ANO3: variants seen among roughly 807,000 people sequenced by gnomAD.
The protein encoded by ANO3 is anoctamin-3.
In ANO3, 99 loss-of-function variants were observed where a neutral mutation model predicts 144.8. The observed-to-expected ratio is 0.68, with a 90% CI of 0.58 to 0.81. The LOEUF (loss-of-function observed/expected upper bound fraction) is 0.81, where lower values mean the gene tolerates loss of function less well. ANO3 is among the 30% of genes least tolerant of loss of function. ANO3 has a pLI of 0.00. For missense variants in ANO3, 905 were observed against 1,202.2 expected (o/e 0.75, Z 3.66); for synonymous variants, 414 against 392.6 (o/e 1.05, Z -0.64).
At chr11:26,527,518 T>G in intron 7 of ANO3, among the ~76,000 whole-genome samples, 1 of 152,078 alleles carries the variant, frequency 6.6e-6, no homozygotes. Context: ...CTGAAAAAAA[T>G]TACAAAATTT....
intron 17 of ANO3, among the ~76,000 whole-genome samples, chr11:26,604,241 TG>T (rs1292227862): frequency 2.0e-5 from 3 of 152,212 alleles, no homozygotes; most frequent in Non-Finnish European, 4.4e-5. Context: ...GTGTTATTTC[TG>T]AGGTCTCTGT....
chr11:26,300,653 A>C (rs535419462), intron 1 of ANO3, among the ~76,000 whole-genome samples: 1 of 152,218 alleles, frequency 6.6e-6, no homozygotes, highest in African/African-American at 2.4e-5. Context: ...TCCCTTATAG[A>C]TATGTGTCTG....
chr11:26,594,983 A>T (rs936069624), intron 14 of ANO3, among the ~76,000 whole-genome samples: 1 of 152,094 alleles, frequency 6.6e-6, no homozygotes, highest in South Asian at 2.1e-4. Context: ...ATGAGGGTCA[A>T]ATTGGTCCCA....
chr11:26,535,495 AC>A (rs1254197000), intron 9 of ANO3, among the ~76,000 whole-genome samples: 1 of 151,752 alleles, frequency 6.6e-6, no homozygotes, highest in African/African-American at 2.4e-5. Flanking sequence ...GCCAGCAAAA[AC>A]TGGTACCAAT....
At chr11:26,231,544 C>T (rs1424991041) in intron 1 of ANO3, among the ~76,000 whole-genome samples, 2 of 152,280 alleles carry the variant, frequency 1.3e-5, no homozygotes, top group South Asian at 2.1e-4. Context: ...TATTAATGCT[C>T]AAACTTAGAT....
At chr11:26,559,690 A>C in intron 13 of ANO3, 29 bp from the exon 14 acceptor site, 1 of 1,534,872 alleles carries the variant, frequency 6.5e-7, no homozygotes, top group Non-Finnish European at 9.0e-7. Flanking sequence ...AATTTGCATG[A>C]CTAATATTTC....
Position 26,508,134 on chromosome 11 carries a change from C to T in ANO3, c.463C>T (p.Pro155Ser). ...NDMNYIASSG[P>S]LFKDGKKRID... ...CATGAATTACATAGCATCCAGTGGA[C>T]CTCTGTTCAAAGATGGCAAAAAGAG... Residue 155 changes from proline (P) to serine (S), a missense_variant, in exon 5 of 27, where the codon CCT becomes TCT. This residue lies in a region of ANO3 where 63 missense variants were observed against 107.3 expected (regional missense o/e 0.59). Transcript: ENST00000256737. 1.3e-6 allele frequency: 2 copies of T among 1,592,882 alleles called. No individual in the cohort carries two copies. Among genetic ancestry groups the T allele is most frequent in the Non-Finnish European group, 1.7e-6 (2 of 1,173,226 alleles).
chr11:26,633,208 C>G (rs539592053), intron 18 of ANO3, among the ~76,000 whole-genome samples: 1 of 152,190 alleles, frequency 6.6e-6, no homozygotes, highest in Non-Finnish European at 1.5e-5. Context: ...TTTTCTATCA[C>G]TCATTTGAGT....
At chr11:26,424,876 T>C (rs1857872952) in intron 1 of ANO3, among the ~76,000 whole-genome samples, 1 of 150,392 alleles carries the variant, frequency 6.6e-6, no homozygotes, top group African/African-American at 2.5e-5. Context: ...TTCAAAATAG[T>C]ATTTTATACA....
chr11:26,429,686 G>T (rs1350711553), intron 1 of ANO3, among the ~76,000 whole-genome samples: 1 of 152,114 alleles, frequency 6.6e-6, no homozygotes, highest in Admixed American at 6.5e-5. Flanking sequence ...TAGAAAGAAA[G>T]GTTGCAGTTC....
intron 3 of ANO3, among the ~76,000 whole-genome samples, chr11:26,449,430 C>G (rs1166462127): frequency 2.6e-5 from 4 of 151,870 alleles, no homozygotes; most frequent in African/African-American, 4.8e-5. Flanking sequence ...TTAGGACAGA[C>G]AAATGGATGA....
intron 1 of ANO3, among the ~76,000 whole-genome samples, chr11:26,282,627 A>T (rs1420441866): frequency 6.6e-6 from 1 of 152,154 alleles, no homozygotes; most frequent in Non-Finnish European, 1.5e-5. Flanking sequence ...TGTCATTTTT[A>T]AAAAGCTCAT....
intron 4 of ANO3, among the ~76,000 whole-genome samples, chr11:26,483,585 C>T (rs760169300): frequency 6.6e-6 from 1 of 152,148 alleles, no homozygotes; most frequent in Non-Finnish European, 1.5e-5. Context: ...CTGAGTGCCC[C>T]CCTCCCACCT....
intron 4 of ANO3, among the ~76,000 whole-genome samples, chr11:26,498,922 C>T (rs1046898580): frequency 6.6e-6 from 1 of 151,900 alleles, no homozygotes; most frequent in Non-Finnish European, 1.5e-5. Context: ...AAAAGATCAA[C>T]AGCATCCCTT....
chr11:26,492,146 G>A (rs1239999090), intron 4 of ANO3, among the ~76,000 whole-genome samples: 2 of 152,218 alleles, frequency 1.3e-5, no homozygotes, highest in African/African-American at 4.8e-5. Flanking sequence ...TTAAAATAGT[G>A]TTTAATAAAA....
chr11:26,308,949 G>C (rs1383958853), upstream of ANO3, among the ~76,000 whole-genome samples: 2 of 152,122 alleles, frequency 1.3e-5, no homozygotes, highest in African/African-American at 4.8e-5. Context: ...GCAGGAGAAA[G>C]AAAAACTGAG....
At chr11:26,528,187 C>A (rs1333035246) in intron 7 of ANO3, among the ~76,000 whole-genome samples, 1 of 152,118 alleles carries the variant, frequency 6.6e-6, no homozygotes, top group Non-Finnish European at 1.5e-5. Flanking sequence ...TCATTATAAA[C>A]ACGTATTGAG....
intron 1 of ANO3, among the ~76,000 whole-genome samples, chr11:26,431,316 G>A (rs1403734221): frequency 6.6e-6 from 1 of 152,196 alleles, no homozygotes; most frequent in Admixed American, 6.5e-5. Context: ...GAGTACATGT[G>A]CAGGTTTGTT....
intron 4 of ANO3, among the ~76,000 whole-genome samples, chr11:26,468,707 A>G (rs1859682327): frequency 6.6e-6 from 1 of 151,950 alleles, no homozygotes; most frequent in Non-Finnish European, 1.5e-5. Context: ...TGAATGTGCT[A>G]CTTCCTATTT....
Sources: gnomAD v4.1 joint callset for allele counts (sites outside exome capture counted in the v4.1 genomes callset) on GRCh38, gnomAD v4.1.1 for gene constraint, gnomAD v4.1.1 regional missense constraint, MANE v1.5 for transcripts, NCBI Gene and HGNC (gene_info 2026-07-23, HGNC 2026-07-21) for gene names.